SERGEF: variants seen among roughly 807,000 people sequenced by gnomAD.
The protein encoded by SERGEF is secretion regulating guanine nucleotide exchange factor.
Under a neutral mutation model 50.0 loss-of-function variants are expected in SERGEF, and 51 were observed. That is an observed-to-expected ratio of 1.02 (90% confidence interval 0.81 to 1.29). SERGEF has a LOEUF of 1.29. SERGEF is among the 50% of genes most tolerant of loss of function. The probability of loss-of-function intolerance (pLI) is 0.00; values close to 1 mark genes in which losing one functional copy is unlikely to be tolerated. For synonymous variants in SERGEF, 205 were observed against 212.4 expected, an observed-to-expected ratio of 0.97 and a Z score of 0.30; for missense variants, 521 against 557.0, an observed-to-expected ratio of 0.94 and a Z score of 0.65.
At chr11:18,000,399 T>C (rs1276167614) in intron 5 of SERGEF, 98 bp downstream of exon 5, 3 of 764,742 alleles carry the variant, frequency 3.9e-6, no homozygotes, top group East Asian at 5.8e-5. Context: ...CAGCAAGCTA[T>C]GATCGAGCCA....
At chr11:17,833,613 C>T (rs139246229) in intron 10 of SERGEF, among the ~76,000 whole-genome samples, 59 of 152,288 alleles carry the variant, frequency 3.9e-4, no homozygotes, top group African/African-American at 1.1e-3. Flanking sequence ...AACCCCAGCC[C>T]GTGAAAATAA....
rs768414798 is a variant in SERGEF at position 17,992,971 on chromosome 11, C to T, written c.645G>A (p.Met215Ile). ...AGTGGTCTGAGCCAGCAAGAACACA[C>T]ATTGCTTTAGAATTCTCTAGACCTA... Reference protein sequence around the residue: ...RVTGLENSKAMCVLAGSDHSA... With the variant: ...RVTGLENSKAICVLAGSDHSA... Residue 215 changes from methionine to isoleucine, a missense_variant, in exon 7 of 11, where the codon ATG (methionine) becomes ATA (isoleucine). Transcript: ENST00000265965. The T allele has an allele frequency of 2.5e-6, 4 of 1,614,082 alleles. No homozygotes were observed. Among genetic ancestry groups the T allele is most frequent in the South Asian group, 1.1e-5 (1 of 91,076 alleles).
At chr11:17,886,972 G>C (rs563808881) in intron 9 of SERGEF, among the ~76,000 whole-genome samples, 1 of 152,132 alleles carries the variant, frequency 6.6e-6, no homozygotes. Context: ...TGAAAATTCT[G>C]CCTTGAAACA....
At chr11:17,866,983 T>C (rs1188772207) in intron 10 of SERGEF, 1 of 152,230 alleles carries the variant, frequency 6.6e-6, no homozygotes, top group Non-Finnish European at 1.5e-5. Context: ...CGTGATTCCA[T>C]TACCTCCCAC....
chr11:17,912,546 C>T (rs1249729310), intron 9 of SERGEF, among the ~76,000 whole-genome samples: 1 of 152,136 alleles, frequency 6.6e-6, no homozygotes, highest in Non-Finnish European at 1.5e-5. Context: ...AGTTTAAAAA[C>T]CAAGGAACGA....
intron 8 of SERGEF, among the ~76,000 whole-genome samples, chr11:17,975,275 T>C (rs184579323): frequency 6.6e-6 from 1 of 152,242 alleles, no homozygotes; most frequent in Non-Finnish European, 1.5e-5. Flanking sequence ...TTGGCAAAAT[T>C]TGTATATGGA....
At chr11:17,878,118 C>T (rs905445066) in intron 10 of SERGEF, 90 bp downstream of exon 10, 34 of 929,550 alleles carry the variant, frequency 3.7e-5, no homozygotes, top group Non-Finnish European at 4.8e-5. Flanking sequence ...CATGAGTGCA[C>T]GCACCATGGC....
intron 9 of SERGEF, among the ~76,000 whole-genome samples, chr11:17,945,444 TTAAA>T (rs1852639255): frequency 6.6e-6 from 1 of 152,238 alleles, no homozygotes; most frequent in Admixed American, 6.5e-5. Context: ...TGAATTAAAA[TTAAA>T]TAAAATTAAA....
At chr11:17,840,592 A>C (rs1166948494) in intron 10 of SERGEF, among the ~76,000 whole-genome samples, 1 of 152,184 alleles carries the variant, frequency 6.6e-6, no homozygotes, top group African/African-American at 2.4e-5. Flanking sequence ...CAGAGTGCCC[A>C]GCTGAGCCCT....
At chr11:17,807,088 C>A (rs543630989) in intron 10 of SERGEF, among the ~76,000 whole-genome samples, 6 of 152,270 alleles carry the variant, frequency 3.9e-5, no homozygotes, top group African/African-American at 1.4e-4. Context: ...CTTTAAGACC[C>A]TGGTCCTTGG....
At chr11:17,900,795 G>A (rs1354572351) in intron 9 of SERGEF, among the ~76,000 whole-genome samples, 1 of 152,194 alleles carries the variant, frequency 6.6e-6, no homozygotes, top group African/African-American at 2.4e-5. Context: ...GAAATACCAA[G>A]TGACATGGAT....
chr11:17,802,947 C>T (rs1218896563), intron 10 of SERGEF, among the ~76,000 whole-genome samples: 1 of 152,236 alleles, frequency 6.6e-6, no homozygotes, highest in Non-Finnish European at 1.5e-5. Flanking sequence ...TCATTTTATT[C>T]AACTGCTGTA....
intron 9 of SERGEF, among the ~76,000 whole-genome samples, chr11:17,898,635 G>A (rs1232406967): frequency 2.0e-5 from 3 of 151,912 alleles, no homozygotes; most frequent in African/African-American, 4.8e-5. Flanking sequence ...GTAGGAAAAC[G>A]TTTTTCCCCC....
In SERGEF at chr11:18,004,496, C is replaced by T; in HGVS notation, c.392G>A (p.Gly131Asp). ...AGGTCCATGAGGAACTCCTAACTGG[C>T]CAAAGGAGTTGGATCCACATGATAG... ...QVLSCGSNSF[G>D]QLGVPHGPRR... The change falls in exon 4 of 11, where the codon GGC becomes GAC. Residue 131 changes from glycine to aspartate, a missense_variant. By Grantham distance (94) the Gly-to-Asp change is moderately conservative (BLOSUM62 -1). Coordinates refer to ENST00000265965, the MANE Select transcript of SERGEF (RefSeq NM_012139.4). 6.2e-7 allele frequency: 1 copy of T among 1,613,780 alleles called. No individual in the cohort carries two copies. Among genetic ancestry groups the T allele is most frequent in the Non-Finnish European group, 8.5e-7 (1 of 1,179,824 alleles).
chr11:18,011,100 A>C (rs1448144417), intron 1 of SERGEF, among the ~76,000 whole-genome samples: 3 of 151,788 alleles, frequency 2.0e-5, no homozygotes, highest in South Asian at 2.1e-4. Flanking sequence ...TCTTCCTCAC[A>C]AACACTCCAG....
intron 8 of SERGEF, among the ~76,000 whole-genome samples, chr11:17,975,883 G>A (rs1327780821): frequency 6.6e-6 from 1 of 152,082 alleles, no homozygotes; most frequent in Non-Finnish European, 1.5e-5. Context: ...CACTTCTATA[G>A]ATTTTTTCGC....
Position 17,827,014 on chromosome 11 carries a change from G to T in SERGEF, c.1049-38601C>A, listed in dbSNP as rs756494648. ...AGTGTTCTTTCTTCTATACCACGCC[G>T]CCTCTCGTTCAAATATTAAATAGAT... On this transcript the variant is annotated intron_variant, in intron 10 of 10. Coordinates refer to ENST00000265965, the MANE Select transcript of SERGEF (RefSeq NM_012139.4). Among the ~76,000 whole-genome samples, 3 of 152,144 alleles carry T rather than the reference G, an allele frequency of 2.0e-5. No homozygotes were observed. In the East Asian group the frequency reaches 5.8e-4, roughly 29 times the overall value.
chr11:17,879,053 CCT>C (rs1412238381), intron 9 of SERGEF, among the ~76,000 whole-genome samples: 3 of 152,310 alleles, frequency 2.0e-5, no homozygotes, highest in African/African-American at 4.8e-5. Flanking sequence ...GTCTCATTCA[CCT>C]CTGTATTGCA....
chr11:18,012,578 C>A (rs1434802896), intron 1 of SERGEF: 15 of 1,174,154 alleles, frequency 1.3e-5, no homozygotes, highest in Non-Finnish European at 1.6e-5. Flanking sequence ...GCACAGGTGG[C>A]CCCACGGAGC....
Sources: gnomAD v4.1 joint callset for allele counts (sites outside exome capture counted in the v4.1 genomes callset) on GRCh38, gnomAD v4.1.1 for gene constraint, MANE v1.5 for transcripts, NCBI Gene and HGNC (gene_info 2026-07-23, HGNC 2026-07-21) for gene names.